RNF144A: variants seen among roughly 807,000 people sequenced by gnomAD.
RNF144A encodes the protein ring finger protein 144A, also known as E3 ubiquitin-protein ligase RNF144A.
A neutral mutation model predicts 38.7 loss-of-function variants in RNF144A; 11 were observed. That is an observed-to-expected ratio of 0.28 (90% CI 0.18 to 0.47). The LOEUF is 0.47. Among genes scored for constraint, RNF144A ranks in the 20% least tolerant of loss-of-function variants. The pLI is 0.99. For synonymous variants in RNF144A, 149 were observed against 143.9 expected (o/e 1.04, Z -0.25); for missense variants, 316 against 377.2 (o/e 0.84, Z 1.34).
At chr2:7,062,287 C>T (rs1673987965) in intron 6 of RNF144A, among the ~76,000 whole-genome samples, 1 of 152,064 alleles carries the variant, frequency 6.6e-6, no homozygotes, top group African/African-American at 2.4e-5. Context: ...TTGAAACTTA[C>T]ATCTTAATTC....
At chr2:7,020,967 G>C (rs1261532637) in intron 6 of RNF144A, among the ~76,000 whole-genome samples, 1 of 152,202 alleles carries the variant, frequency 6.6e-6, no homozygotes, top group Non-Finnish European at 1.5e-5. Context: ...TGCGTGGTTT[G>C]TTACTTTTAA....
At chr2:6,977,283 G>GC (rs1668372540) in intron 2 of RNF144A, among the ~76,000 whole-genome samples, 3 of 152,234 alleles carry the variant, frequency 2.0e-5, no homozygotes, top group Admixed American at 1.3e-4. Context: ...CTGGCAGGAG[G>GC]CAGGCCCAGG....
chr2:6,946,362 CAT>C (rs1666343898), intron 2 of RNF144A, among the ~76,000 whole-genome samples: 1 of 152,148 alleles, frequency 6.6e-6, no homozygotes, highest in Non-Finnish European at 1.5e-5. Flanking sequence ...AAATGGGTAA[CAT>C]AATTCAGTCA....
chr2:6,999,167 C>CA (rs1475348531), intron 3 of RNF144A, among the ~76,000 whole-genome samples: 8 of 151,948 alleles, frequency 5.3e-5, no homozygotes, highest in Admixed American at 2.0e-4. Flanking sequence ...CTGGAAACAC[C>CA]AAAAAAACAG....
intron 2 of RNF144A, among the ~76,000 whole-genome samples, chr2:6,990,354 C>T (rs1168351222): frequency 1.4e-5 from 2 of 146,076 alleles, no homozygotes; most frequent in Non-Finnish European, 3.0e-5. Context: ...CTTAATTTAA[C>T]CTTAATTCCT....
chr2:7,031,277 C>T (rs188187453), intron 8 of RNF144A, among the ~76,000 whole-genome samples: 18 of 152,300 alleles, frequency 1.2e-4, no homozygotes, highest in Non-Finnish European at 2.2e-4. Context: ...ATATTTATAG[C>T]CTACCGTGTG....
At chr2:6,948,256 T>C (rs1364262499) in intron 2 of RNF144A, among the ~76,000 whole-genome samples, 1 of 152,194 alleles carries the variant, frequency 6.6e-6, no homozygotes, top group Non-Finnish European at 1.5e-5. Context: ...CTGAGGGATG[T>C]CTTCTGTCAC....
intron 2 of RNF144A, among the ~76,000 whole-genome samples, chr2:6,993,571 G>A (rs1262648376): frequency 6.6e-6 from 1 of 152,144 alleles, no homozygotes; most frequent in Non-Finnish European, 1.5e-5. Flanking sequence ...AACTGTTCAC[G>A]CGGGGTGGAG....
chr2:6,938,960 C>CT (rs899899160), intron 1 of RNF144A, among the ~76,000 whole-genome samples: 30 of 148,770 alleles, frequency 2.0e-4, no homozygotes, highest in African/African-American at 4.9e-4. Context: ...TTGCCTCAGT[C>CT]TTTTTTTTTT....
At chr2:6,968,693 GTT>G (rs5829092) in intron 2 of RNF144A, among the ~76,000 whole-genome samples, 8,451 of 149,932 alleles carry the variant, frequency 0.056, 772 homozygotes, top group African/African-American at 0.2. Flanking sequence ...CTGTCAATGT[GTT>G]TTTTTTTTTA....
In RNF144A at chr2:6,917,779, G is replaced by C. The variant is rs1283814051; in HGVS notation, c.-212+157G>C. On this transcript the variant is annotated intron_variant, in intron 1 of 8. Coordinates refer to ENST00000320892, the MANE Select transcript of RNF144A (RefSeq NM_014746.6). The surrounding 1 kb of genome is among the most constrained non-coding windows in gnomAD (Gnocchi z 4.8). ...GCCCCGGCGCCCGGTGGCAGCGGGCGGGGGGCAGCGTCCCGGGCGGGGACT... is the reference window on the plus strand; with the variant it reads ...GCCCCGGCGCCCGGTGGCAGCGGGCCGGGGGCAGCGTCCCGGGCGGGGACT... Among the ~76,000 whole-genome samples, 4 of 150,002 alleles carry C rather than the reference G, an allele frequency of 2.7e-5. No homozygotes were observed. Among genetic ancestry groups the C allele is most frequent in the Non-Finnish European group, 4.5e-5 (3 of 67,292 alleles).
intron 2 of RNF144A, among the ~76,000 whole-genome samples, chr2:6,948,600 A>G (rs968567310): frequency 6.6e-6 from 1 of 152,200 alleles, no homozygotes; most frequent in Non-Finnish European, 1.5e-5. Context: ...CAAATCTCAC[A>G]TTACCTTTCT....
chr2:7,048,695 G>A (rs16865883), downstream of RNF144A, among the ~76,000 whole-genome samples: 2,300 of 152,282 alleles, frequency 0.015, 59 homozygotes, highest in African/African-American at 0.053. Flanking sequence ...TGGCAGCAAA[G>A]TACTTCATAG....
chr2:7,041,789 T>C lies in RNF144A; in HGVS notation c.*2029T>C, dbSNP rs1230019301. 6 of 985,586 alleles carry C rather than the reference T, an allele frequency of 6.1e-6. No individual in the cohort carries two copies. The highest frequency in any genetic ancestry group is 7.2e-6 in the Non-Finnish European group (6 of 830,068). 61.1% of individuals were successfully genotyped at this position (985,586 alleles called of 1,614,324 possible). ...CCTGAAATTGCTGCTGCCCATCGCA[T>C]GAGCCCACACAGTAGCACCCCCGTC... On this transcript the variant is annotated 3_prime_UTR_variant, in exon 9 of 9. Transcript: ENST00000320892.
chr2:7,075,287 C>G, the RNF144A span, among the ~76,000 whole-genome samples: 21 of 151,786 alleles, frequency 1.4e-4, no homozygotes, highest in South Asian at 6.3e-4. Flanking sequence ...AACATCCCCC[C>G]CCCCACACAG....
At chr2:7,011,289 CACTT>C (rs1370587424) in intron 3 of RNF144A, among the ~76,000 whole-genome samples, 4 of 152,312 alleles carry the variant, frequency 2.6e-5, no homozygotes, top group Non-Finnish European at 4.4e-5. Flanking sequence ...AAAGTCTACT[CACTT>C]ACTAACAATC....
chr2:6,925,781 A>G (rs571044511), intron 1 of RNF144A, among the ~76,000 whole-genome samples: 6 of 152,188 alleles, frequency 3.9e-5, no homozygotes, highest in Non-Finnish European at 8.8e-5. Context: ...GCATCTGCAA[A>G]CACCCTAATA....
intron 8 of RNF144A, among the ~76,000 whole-genome samples, chr2:7,033,146 G>A (rs1672438154): frequency 6.6e-6 from 1 of 152,260 alleles, no homozygotes; most frequent in East Asian, 1.9e-4. Flanking sequence ...GCTGTTGCTG[G>A]GTGCCAAGCC....
At chr2:6,957,178 G>A (rs1275359812) in intron 2 of RNF144A, among the ~76,000 whole-genome samples, 4 of 152,130 alleles carry the variant, frequency 2.6e-5, no homozygotes, top group African/African-American at 9.7e-5. Flanking sequence ...AGCCCTTCTC[G>A]TTGAGAAACC....
Sources: gnomAD v4.1 joint callset for allele counts (sites outside exome capture counted in the v4.1 genomes callset) on GRCh38, gnomAD v4.1.1 for gene constraint, Gnocchi (gnomAD v3.1) non-coding constraint, MANE v1.5 for transcripts, NCBI Gene and HGNC (gene_info 2026-07-23, HGNC 2026-07-21) for gene names.